HLA-F: variants seen among roughly 807,000 people sequenced by gnomAD.
HLA-F encodes the protein major histocompatibility complex, class I, F.
Under a neutral mutation model 49.5 loss-of-function variants are expected in HLA-F, and 46 were observed. That is an observed-to-expected ratio of 0.93 (90% CI 0.73 to 1.19). The LOEUF (loss-of-function observed/expected upper bound fraction) is 1.19. Among genes scored for constraint, HLA-F ranks in the 50% most tolerant of loss-of-function variants. HLA-F has a pLI of 0.00. For synonymous variants in HLA-F, 203 were observed against 233.5 expected (o/e 0.87, Z 1.19); for missense variants, 496 against 579.6 (o/e 0.86, Z 1.48).
At chr6:29,732,982 G>A (rs1046775953) in intron 3 of HLA-F, among the ~76,000 whole-genome samples, 1 of 152,018 alleles carries the variant, frequency 6.6e-6, no homozygotes, top group African/African-American at 2.4e-5. Flanking sequence ...GAGGTCGGGA[G>A]TTCGAGACCA....
chr6:29,726,841 C>T (rs1280305066), intron 6 of HLA-F, 42 bp from the exon 7 acceptor site: 3 of 1,595,070 alleles, frequency 1.9e-6, no homozygotes, highest in African/African-American at 2.7e-5. Context: ...TTAACATCCA[C>T]AGTGAACACA....
At position 29,736,485 on chromosome 6, in the gene HLA-F, T is replaced by C. The variant is rs1040516325; in HGVS notation, c.404-1637T>C. On this transcript the variant is annotated intron_variant, in intron 3 of 4. Coordinates refer to the HLA-F transcript ENST00000465459. The stretch of plus-strand genomic sequence containing the variant: ...GAGAATTGTTTCAAAACATCAGAAA[T>C]GTATACTTGAATGAAGGACAACATG... 15 of 435,276 alleles carry C rather than the reference T, an allele frequency of 3.4e-5. No homozygotes were observed. The East Asian group carries it at 8.7e-4, about 25-fold the overall frequency. The allele number at this position is 435,276 out of a possible 1,614,324, so 27.0% of individuals were successfully genotyped here. A position where few individuals can be genotyped will look rare whatever the true frequency, so the allele number is the denominator to read the frequency against.
exon 4 of HLA-F, chr6:29,738,126 G>C (rs190933526): frequency 8.5e-5 from 13 of 152,382 alleles, no homozygotes; most frequent in Admixed American, 6.5e-4. Context: ...TTACAGGAAA[G>C]TTGACTCATA....
chr6:29,725,361 A>G (rs1775923055), intron 4 of HLA-F, 55 bp downstream of exon 4: 1 of 1,611,616 alleles, frequency 6.2e-7, no homozygotes, highest in African/African-American at 1.3e-5. Flanking sequence ...TTTCTCAGGG[A>G]AAGCAGGAGC....
rs772651190 is a variant in HLA-F, at chr6:29,725,138, C to T, written c.718C>T (p.Arg240Trp). The T allele has an allele frequency of 4.3e-6, 7 of 1,614,040 alleles. No homozygotes were observed. Among genetic ancestry groups the T allele is most frequent in the South Asian group, 2.2e-5 (2 of 91,082 alleles). Residue 240 changes from arginine (R) to tryptophan (W), a missense_variant, in exon 4 of 7, where the codon CGG (arginine) becomes TGG (tryptophan). By Grantham distance (101) the Arg-to-Trp change is moderately radical. Transcript: ENST00000259951. ...TGCGGAGATCACGCTGACCTGGCAG[C>T]GGGATGGGGAGGAACAGACCCAGGA... ...YPAEITLTWQ[R>W]DGEEQTQDTE...
At chr6:29,724,580 C>T in intron 3 of HLA-F, 132 bp downstream of exon 3, 1 of 947,680 alleles carries the variant, frequency 1.1e-6, no homozygotes, top group South Asian at 1.7e-5. Context: ...AAGAATCTTC[C>T]TGGCTTTCGA....
intron 3 of HLA-F, chr6:29,734,902 A>G (rs2394159): frequency 0.38 from 57,649 of 151,980 alleles, 11,063 homozygotes; most frequent in Non-Finnish European, 0.42. Context: ...ATTTCACAAA[A>G]ATGGGTTCAT....
At chr6:29,728,638 T>A (rs774717001), downstream of HLA-F, 10 of 152,182 alleles carry the variant, frequency 6.6e-5, no homozygotes, top group Non-Finnish European at 1.3e-4. Flanking sequence ...CAATGTCAAA[T>A]TCCATCAAAG....
At chr6:29,735,091 T>C (rs530364788) in intron 3 of HLA-F, 45 of 151,582 alleles carry the variant, frequency 3.0e-4, no homozygotes, top group African/African-American at 1.1e-3. Flanking sequence ...TTAAACCAAA[T>C]AGGAAAAACA....
chr6:29,728,070 TGAG>T (rs756334326), downstream of HLA-F: 1 of 518,772 alleles, frequency 1.9e-6, no homozygotes, highest in South Asian at 1.4e-5. Context: ...ATGACTGGAG[TGAG>T]GAGGAGGTGC....
At chr6:29,728,026 A>G (rs200477413), downstream of HLA-F, 2 of 519,044 alleles carry the variant, frequency 3.9e-6, no homozygotes, top group Non-Finnish European at 7.7e-6. Flanking sequence ...CCACCAGAGG[A>G]CATTAGCTAT....
downstream of HLA-F, among the ~76,000 whole-genome samples, chr6:29,732,121 T>A (rs1006493099): frequency 7.7e-6 from 1 of 130,424 alleles, no homozygotes; most frequent in African/African-American, 2.8e-5. Context: ...CATGCCACCA[T>A]GCCCAGCTAA....
At chr6:29,730,612 C>T (rs1005945224), downstream of HLA-F, among the ~76,000 whole-genome samples, 8 of 152,090 alleles carry the variant, frequency 5.3e-5, no homozygotes, top group African/African-American at 1.9e-4. Context: ...CTTTTCACTC[C>T]TCTCCTGCCA....
downstream of HLA-F, among the ~76,000 whole-genome samples, chr6:29,731,909 G>A (rs556315780): frequency 1.3e-5 from 2 of 152,102 alleles, no homozygotes; most frequent in South Asian, 2.1e-4. Context: ...AGTATAATAA[G>A]GCTTTAAAAT....
chr6:29,737,218 C>CAAAAAAAAAAAAAAAAAAAAAAAAAA (rs3030698), intron 3 of HLA-F, among the ~76,000 whole-genome samples: 1 of 65,192 alleles, frequency 1.5e-5, no homozygotes, highest in Non-Finnish European at 2.5e-5. Context: ...ATCCTCATGG[C>CAAAAAAAAAAAAAAAAAAAAAAAAAA]AAAAAAAAAA....
intron 3 of HLA-F, among the ~76,000 whole-genome samples, chr6:29,737,254 G>T (rs540432808): frequency 9.5e-6 from 1 of 104,860 alleles, no homozygotes; most frequent in South Asian, 4.0e-4. Flanking sequence ...CTGAATAGAC[G>T]CAAACCTCTA....
chr6:29,736,008 CTT>C (rs1030875829), intron 3 of HLA-F: 2 of 152,766 alleles, frequency 1.3e-5, no homozygotes, highest in African/African-American at 4.8e-5. Context: ...TATCTGGTCT[CTT>C]TGTAAAATTT....
rs764490901 is a variant in HLA-F at position 29,723,944 on chromosome 6, G to A, written c.334+17G>A. 6.0e-4 allele frequency: 945 copies of A among 1,581,734 alleles called. 1 individual carries two copies. Among genetic ancestry groups the A allele is most frequent in the Non-Finnish European group, 6.9e-4 (804 of 1,164,212 alleles). ...GCGAGGCTGGTGAGTGAACCCGGCC[G>A]GGGGCGCAGGTCACGACCACCCCCC... is the stretch of plus-strand genomic sequence containing the variant. On this transcript the variant is annotated intron_variant, in intron 2 of 6. Transcript: ENST00000259951.
chr6:29,724,024 G>A, intron 2 of HLA-F, 97 bp downstream of exon 2: 1 of 1,547,562 alleles, frequency 6.5e-7, no homozygotes, highest in Non-Finnish European at 8.7e-7. Context: ...AATCTACCCC[G>A]AGGCAGCGGG....
Sources: allele counts gnomAD v4.1 joint callset (sites outside exome capture counted in the v4.1 genomes callset), GRCh38; gene constraint gnomAD v4.1.1; transcripts MANE v1.5; gene names NCBI Gene and HGNC (gene_info 2026-07-23, HGNC 2026-07-21).